MAN1A1: variants seen among roughly 807,000 people sequenced by gnomAD.
MAN1A1 encodes the protein mannosidase alpha class 1A member 1, also known as mannosyl-oligosaccharide 1,2-alpha-mannosidase IA.
In MAN1A1, 29 loss-of-function variants were observed where a neutral mutation model predicts 70.8. That is an observed-to-expected ratio of 0.41 (90% CI 0.31 to 0.56). The LOEUF (loss-of-function observed/expected upper bound fraction) is 0.56, where lower values mean the gene tolerates loss of function less well. Among genes scored for constraint, MAN1A1 ranks in the 20% least tolerant of loss-of-function variants. The pLI is 0.29. For missense variants in MAN1A1, 747 were observed against 841.3 expected, an observed-to-expected ratio of 0.89 and a Z score of 1.39; for synonymous variants, 349 against 330.1, an observed-to-expected ratio of 1.06 and a Z score of -0.62.
intron 2 of MAN1A1, among the ~76,000 whole-genome samples, chr6:119,319,359 AAATAATAAT>A (rs199629407): frequency 5.4e-5 from 8 of 147,820 alleles, no homozygotes; most frequent in Non-Finnish European, 8.9e-5. Context: ...AAAATGGTAA[AAATAATAAT>A]AATAATAATA....
intron 6 of MAN1A1, among the ~76,000 whole-genome samples, chr6:119,239,158 G>T (rs960646699): frequency 6.6e-6 from 1 of 152,124 alleles, no homozygotes; most frequent in Non-Finnish European, 1.5e-5. Context: ...GATTACAGGC[G>T]TGAGCCACCG....
intron 8 of MAN1A1, among the ~76,000 whole-genome samples, chr6:119,194,784 C>T (rs545929008): frequency 2.4e-4 from 17 of 69,628 alleles, no homozygotes; most frequent in Admixed American, 3.4e-4. Context: ...GCCAGATCCA[C>T]TACACGTATT....
chr6:119,257,786 GCTTT>G (rs1353174767), intron 5 of MAN1A1, among the ~76,000 whole-genome samples: 1 of 152,120 alleles, frequency 6.6e-6, no homozygotes, highest in East Asian at 1.9e-4. Context: ...GTTATTGTAG[GCTTT>G]CTAATTACTA....
chr6:119,287,933 TA>T (rs1394978850), intron 5 of MAN1A1, among the ~76,000 whole-genome samples: 2 of 152,072 alleles, frequency 1.3e-5, no homozygotes, highest in East Asian at 3.8e-4. Context: ...GAGCTTCTTA[TA>T]TAGCATTTGA....
At chr6:119,272,603 C>T (rs376891334) in intron 5 of MAN1A1, among the ~76,000 whole-genome samples, 3 of 152,096 alleles carry the variant, frequency 2.0e-5, no homozygotes, top group South Asian at 2.1e-4. Context: ...ATTAATAGAG[C>T]GTATACACTT....
chr6:119,278,501 A>G (rs998530947), intron 5 of MAN1A1, among the ~76,000 whole-genome samples: 1 of 152,162 alleles, frequency 6.6e-6, no homozygotes, highest in Non-Finnish European at 1.5e-5. Flanking sequence ...AATTTTATAG[A>G]AAGTGTTTAT....
At chr6:119,196,577 G>C (rs1773575478) in intron 8 of MAN1A1, among the ~76,000 whole-genome samples, 1 of 152,150 alleles carries the variant, frequency 6.6e-6, no homozygotes, top group Non-Finnish European at 1.5e-5. Context: ...ACTGTAGTCA[G>C]TCAAATATTA....
At position 119,177,992 on chromosome 6, in the gene MAN1A1, C is replaced by T. The variant is rs1773048685; in HGVS notation, c.*1827G>A. ...AAGTCCTGGGAACAAAGGGCTCTTG[C>T]TATCCATTCATTTCATTAGGTGAAC... On this transcript the variant is annotated 3_prime_UTR_variant, in exon 13 of 13. Coordinates refer to ENST00000368468, the MANE Select transcript of MAN1A1 (RefSeq NM_005907.4). 6.6e-6 allele frequency: 1 copy of T among 152,092 alleles called. No homozygotes were observed. Among genetic ancestry groups the T allele is most frequent in the Non-Finnish European group, 1.5e-5 (1 of 67,946 alleles). The allele number at this position is 152,092 out of a possible 1,614,324, so 9.4% of individuals were successfully genotyped here.
In MAN1A1 at chr6:119,178,198, A is replaced by C. The variant is rs1200776524; in HGVS notation, c.*1621T>G. ...AAGATGGTCCTGTCCGATAAAGGAA[A>C]TCTTTTAAAACACTTTCAAAAGCTA... On this transcript the variant is annotated 3_prime_UTR_variant, in exon 13 of 13. Transcript: ENST00000368468. 6.6e-6 allele frequency: 1 copy of C among 152,182 alleles called. No individual in the cohort carries two copies. The highest frequency in any genetic ancestry group is 1.5e-5 in the Non-Finnish European group (1 of 67,980). The allele number at this position is 152,182 out of a possible 1,614,324, so 9.4% of individuals were successfully genotyped here.
In MAN1A1 at chr6:119,348,489, G is replaced by T. The variant is rs377001439; in HGVS notation, c.577C>A (p.Arg193Ser). Residue 193 changes from arginine to serine, a missense_variant, in exon 2 of 13, where the codon CGC (arginine) becomes AGC (serine). Coordinates refer to ENST00000368468, the MANE Select transcript of MAN1A1 (RefSeq NM_005907.4). ...TCTTTGATCTTTGCCCTTTTCTCGC[G>T]GATGGCGGCGTCGGCGGGCTCCCGG... is the stretch of plus-strand genomic sequence containing the variant. The part of the protein sequence containing the change: ...ESREPADAAI[R>S]EKRAKIKEMM... 1.2e-6 allele frequency: 2 copies of T among 1,607,220 alleles called. No homozygotes were observed. The highest frequency in any genetic ancestry group is 1.7e-5 in the Admixed American group (1 of 59,018).
chr6:119,235,746 C>G (rs1018401864), intron 6 of MAN1A1, among the ~76,000 whole-genome samples: 1 of 152,144 alleles, frequency 6.6e-6, no homozygotes, highest in Non-Finnish European at 1.5e-5. Flanking sequence ...AAATCATTGC[C>G]TAGCTTCAAA....
chr6:119,211,912 G>A (rs1418344130), intron 6 of MAN1A1, among the ~76,000 whole-genome samples: 1 of 151,160 alleles, frequency 6.6e-6, no homozygotes, highest in Non-Finnish European at 1.5e-5. Context: ...TGCGATCACG[G>A]CTCACTGCAA....
At chr6:119,349,460 A>G in intron 1 of MAN1A1, 82 bp downstream of exon 1, 5 of 931,948 alleles carry the variant, frequency 5.4e-6, no homozygotes, top group Non-Finnish European at 6.4e-6. Context: ...TGAAGTTATC[A>G]GGTCCCGTGG....
rs544401976 is a variant in MAN1A1, at chr6:119,326,872, A to T, written c.604-19880T>A. ...AGATATGGGTGAGGACACAAAGCCT[A>T]ACCATATCAAGACCACATGATTTAC... On this transcript the variant is annotated intron_variant, in intron 2 of 12. Transcript: ENST00000368468. Among the ~76,000 whole-genome samples the T allele has an allele frequency of 1.1e-3, 166 of 152,324 alleles. 1 individual carries two copies. The highest frequency in any genetic ancestry group is 3.4e-3 in the Middle Eastern group (1 of 294).
intron 6 of MAN1A1, among the ~76,000 whole-genome samples, chr6:119,222,749 C>T (rs1774398646): frequency 6.6e-6 from 1 of 152,132 alleles, no homozygotes; most frequent in South Asian, 2.1e-4. Flanking sequence ...ACAAAATTGC[C>T]TTTAAAATGT....
intron 5 of MAN1A1, among the ~76,000 whole-genome samples, chr6:119,253,604 G>A (rs1047984375): frequency 3.3e-5 from 5 of 152,282 alleles, no homozygotes; most frequent in Admixed American, 2.6e-4. Flanking sequence ...CCAAAGCACA[G>A]ATTTGTACAC....
chr6:119,349,669 C>A lies in MAN1A1; in HGVS notation c.-350G>T. 1.0e-6 allele frequency: 1 copy of A among 985,894 alleles called. No homozygotes were observed. The allele number at this position is 985,894 out of a possible 1,614,324, so 61.1% of individuals were successfully genotyped here. A position where few individuals can be genotyped will look rare whatever the true frequency, so the allele number is the denominator to read the frequency against. On this transcript the variant is annotated 5_prime_UTR_variant, in exon 1 of 13. Transcript: ENST00000368468. The stretch of plus-strand genomic sequence containing the variant: ...GCGCTGTCCCACGGTCCCGCAGCCC[C>A]GGCGCGGCTCAGGTGGGCGAGCGCG...
At position 119,348,888 on chromosome 6, in the gene MAN1A1, A is replaced by T. The variant is rs781514334; in HGVS notation, c.178T>A (p.Phe60Ile). ...AFITLCFGAI[F>I]FLPDSSKLLS... Reference sequence around the variant, plus strand: ...AGCTTGGAGGAGTCTGGCAGGAAGAAGATCGCCCCGAAGCAGAGCGTGATG... The same window carrying T: ...AGCTTGGAGGAGTCTGGCAGGAAGATGATCGCCCCGAAGCAGAGCGTGATG... The change falls in exon 2 of 13, where the codon TTC becomes ATC. Residue 60 changes from phenylalanine (F) to isoleucine (I), a missense_variant. Phe to Ile is a conservative substitution (Grantham distance 21, BLOSUM62 0). This residue lies in a region of MAN1A1 where 328 missense variants were observed against 293.1 expected (regional missense o/e 1.12). Coordinates refer to ENST00000368468, the MANE Select transcript of MAN1A1 (RefSeq NM_005907.4). 1.3e-6 allele frequency: 2 copies of T among 1,535,826 alleles called. No individual in the cohort carries two copies. Among genetic ancestry groups the T allele is most frequent in the Non-Finnish European group, 1.7e-6 (2 of 1,143,070 alleles).
chr6:119,215,457 C>T (rs1582703801), intron 6 of MAN1A1, among the ~76,000 whole-genome samples: 3 of 152,154 alleles, frequency 2.0e-5, no homozygotes, highest in Admixed American at 1.3e-4. Flanking sequence ...AGAGTCTCTA[C>T]GAGATAGATG....
Sources: gnomAD v4.1 joint callset for allele counts (sites outside exome capture counted in the v4.1 genomes callset) on GRCh38, gnomAD v4.1.1 for gene constraint, gnomAD v4.1.1 regional missense constraint, MANE v1.5 for transcripts, NCBI Gene and HGNC (gene_info 2026-07-23, HGNC 2026-07-21) for gene names.